FN1: variants seen among roughly 807,000 people sequenced by gnomAD.
FN1 encodes fibronectin 1.
FN1 carries 106 observed loss-of-function variants against 297.3 expected under a neutral mutation model. That is an observed-to-expected ratio of 0.36 (90% CI 0.30 to 0.42). The LOEUF is 0.42. Among genes scored for constraint, FN1 ranks in the 10% least tolerant of loss-of-function variants. The pLI is 1.00. For synonymous variants in FN1, 1,149 were observed against 1,152.6 expected (o/e 1.00, Z 0.06); for missense variants, 2,690 against 3,124.9 (o/e 0.86, Z 3.32).
At position 215,415,701 on chromosome 2, in the gene FN1, C is replaced by A. The variant is rs574917542; in HGVS notation, c.1820-743G>T. ...GTGTATACTAAATTCAGTATTTCTA[C>A]ACCTTGATGTATATCACTGTTATCA... On this transcript the variant is annotated intron_variant, in intron 12 of 45. Coordinates refer to ENST00000354785, the MANE Select transcript of FN1 (RefSeq NM_212482.4). Among the ~76,000 whole-genome samples, 138 of 152,144 alleles carry A rather than the reference C, an allele frequency of 9.1e-4. 1 individual carries two copies. The highest frequency in any genetic ancestry group is 1.0e-3 in the South Asian group (5 of 4,822).
intron 2 of FN1, among the ~76,000 whole-genome samples, chr2:215,434,349 C>G (rs1451639670): frequency 6.6e-6 from 1 of 152,186 alleles, no homozygotes; most frequent in Non-Finnish European, 1.5e-5. Flanking sequence ...TTTTCTGGCT[C>G]ATAAACTAAC....
intron 26 of FN1, 102 bp from the exon 27 acceptor site, chr2:215,388,403 G>T (rs2059298047): frequency 2.4e-6 from 2 of 836,894 alleles, no homozygotes. Context: ...CAAATGTCCA[G>T]TCCTATAGCC....
intron 41 of FN1, among the ~76,000 whole-genome samples, 174 bp downstream of exon 41, chr2:215,370,120 G>A (rs1168017451): frequency 1.3e-5 from 2 of 152,174 alleles, no homozygotes. Context: ...GATATGGCAG[G>A]AGGTGGGGGA....
intron 20 of FN1, 74 bp downstream of exon 20, chr2:215,404,315 T>G: frequency 2.8e-6 from 4 of 1,408,686 alleles, no homozygotes; most frequent in Non-Finnish European, 4.0e-6. Context: ...TTTGTTTTGT[T>G]TTGTTTTGTT....
At chr2:215,388,368 G>T in intron 26 of FN1, 67 bp from the exon 27 acceptor site, 1 of 1,120,566 alleles carries the variant, frequency 8.9e-7, no homozygotes. Flanking sequence ...AGCACGCCCA[G>T]GACTATTTGA....
Position 215,364,858 on chromosome 2 carries a change from G to A in FN1, c.7251+21C>T. 3.3e-6 allele frequency: 5 copies of A among 1,495,972 alleles called. No homozygotes were observed. The East Asian group carries it at 7.3e-5, about 22-fold the overall frequency. The allele number at this position is 1,495,972 out of a possible 1,614,324, so 92.7% of individuals were successfully genotyped here. A position where few individuals can be genotyped will look rare whatever the true frequency, so the allele number is the denominator to read the frequency against. On this transcript the variant is annotated intron_variant, in intron 44 of 45. Coordinates refer to ENST00000354785, the MANE Select transcript of FN1 (RefSeq NM_212482.4). The stretch of plus-strand genomic sequence containing the variant: ...CTTTATCTTATCTAACTTGTAGGGA[G>A]CCTGGCACATCCAGTCTTACCCGCT...
At chr2:215,399,520 A>G (rs2060736018) in intron 20 of FN1, among the ~76,000 whole-genome samples, 169 bp from the exon 21 acceptor site, 1 of 152,186 alleles carries the variant, frequency 6.6e-6, no homozygotes, top group African/African-American at 2.4e-5. Flanking sequence ...AGGCTTCTCA[A>G]TCTTTAATGT....
intron 12 of FN1, among the ~76,000 whole-genome samples, chr2:215,418,024 C>A (rs1436164838): frequency 6.6e-6 from 1 of 152,070 alleles, no homozygotes; most frequent in Non-Finnish European, 1.5e-5. Flanking sequence ...ACAAACAAAC[C>A]ATTCATATAC....
rs762429904 is a variant in FN1, at chr2:215,381,036, C to T, written c.5209G>A (p.Asp1737Asn). 110 of 1,614,036 alleles carry T rather than the reference C, an allele frequency of 6.8e-5. No individual in the cohort carries two copies. Among genetic ancestry groups the T allele is most frequent in the Middle Eastern group, 1.6e-4 (1 of 6,084 alleles). ...CTTTCCCAAGCAATTTTGATGGAAT[C>T]GACATCCACATCAGTGAATGCCAGT... is the stretch of plus-strand genomic sequence containing the variant. ...KGLAFTDVDV[D>N]SIKIAWESPQ... Residue 1737 changes from aspartate (D) to asparagine (N), a missense_variant, in exon 33 of 46, where the codon GAT (aspartate) becomes AAT (asparagine). Physicochemically the swap from Asp to Asn is conservative, Grantham distance 23 (BLOSUM62 1). Coordinates refer to ENST00000354785, the MANE Select transcript of FN1 (RefSeq NM_212482.4).
intron 13 of FN1, among the ~76,000 whole-genome samples, chr2:215,411,226 ATAAAATGTG>A (rs1421086807): frequency 3.9e-5 from 6 of 152,240 alleles, no homozygotes; most frequent in Non-Finnish European, 7.3e-5. Context: ...ACTCAGTGCA[ATAAAATGTG>A]TATGAAAGAA....
intron 32 of FN1, chr2:215,381,949 T>A (rs1281751462): frequency 6.9e-6 from 3 of 433,586 alleles, no homozygotes; most frequent in Non-Finnish European, 1.3e-5. Context: ...TATAGGCAAA[T>A]AAGATTTCGC....
rs749178860 is a variant in FN1, at chr2:215,391,799, G to C, written c.4085C>G (p.Thr1362Ser). 1 of 1,614,152 alleles carries C rather than the reference G, an allele frequency of 6.2e-7. No homozygotes were observed. Among genetic ancestry groups the C allele is most frequent in the South Asian group, 1.1e-5 (1 of 91,088 alleles). ...LTQQTAVPPP[T>S]DLRFTNIGPD... ...ACCAATGTTGGTGAATCGCAGGTCA[G>C]TGGGAGGAGGAACAGCTGGTTTCGA... The change falls in exon 26 of 46, where the codon ACT becomes AGT. Residue 1362 changes from threonine to serine, a missense_variant. By Grantham distance (58) the Thr-to-Ser change is moderately conservative (BLOSUM62 1). Around this residue, in one of 3 missense-constraint regions of FN1, gnomAD observed 1,743 missense variants for 1,945.2 expected, o/e 0.90. Transcript: ENST00000354785.
intron 19 of FN1, among the ~76,000 whole-genome samples, 165 bp from the exon 20 acceptor site, chr2:215,404,820 C>T (rs1192605770): frequency 6.6e-6 from 1 of 152,174 alleles, no homozygotes; most frequent in African/African-American, 2.4e-5. Context: ...GAGTGCTACA[C>T]AAAACTTTGC....
At chr2:215,420,452 T>A (rs2064120899) in intron 11 of FN1, among the ~76,000 whole-genome samples, 1 of 151,960 alleles carries the variant, frequency 6.6e-6, no homozygotes, top group Non-Finnish European at 1.5e-5. Flanking sequence ...TCAATTAAAA[T>A]AAGCCTAAAT....
At position 215,423,537 on chromosome 2, in the gene FN1, C is replaced by A. The variant is rs374987974; in HGVS notation, c.1217-11G>T. 6.2e-7 allele frequency: 1 copy of A among 1,613,250 alleles called. No individual in the cohort carries two copies. The highest frequency in any genetic ancestry group is 1.1e-5 in the South Asian group (1 of 90,914). On this transcript the variant is annotated splice_polypyrimidine_tract_variant and intron_variant, in intron 8 of 45. Transcript: ENST00000354785. ...GAGTCTGAACCAAAACTGCCAGGAA[C>A]AATACACAACAAAGAAGGAAAAGAT... is the stretch of plus-strand genomic sequence containing the variant.
chr2:215,414,662 C>T, intron 13 of FN1, 175 bp downstream of exon 13: 1 of 1,351,484 alleles, frequency 7.4e-7, no homozygotes, highest in Non-Finnish European at 9.5e-7. Flanking sequence ...AAAATCCCCT[C>T]AGTCTACAAG....
chr2:215,420,617 A>T, intron 11 of FN1, 56 bp downstream of exon 11: 1 of 1,608,840 alleles, frequency 6.2e-7, no homozygotes, highest in Non-Finnish European at 8.5e-7. Flanking sequence ...TTCTTATCTG[A>T]AACTTGCTAA....
intron 24 of FN1, chr2:215,393,705 A>G (rs2059983799): frequency 6.6e-6 from 1 of 152,268 alleles, no homozygotes. Flanking sequence ...TCATGGCCAT[A>G]ACGCTAATGC....
chr2:215,390,066 C>T (rs987223432), intron 26 of FN1, among the ~76,000 whole-genome samples: 2 of 152,232 alleles, frequency 1.3e-5, no homozygotes, highest in Admixed American at 1.3e-4. Flanking sequence ...AAGCCCCCTA[C>T]AAAAGTTTGG....
Sources: gnomAD v4.1 joint callset for allele counts (sites outside exome capture counted in the v4.1 genomes callset) on GRCh38, gnomAD v4.1.1 for gene constraint, gnomAD v4.1.1 regional missense constraint, MANE v1.5 for transcripts, NCBI Gene and HGNC (gene_info 2026-07-23, HGNC 2026-07-21) for gene names.